The following RMDN2 variants were observed in gnomAD, a reference collection of about 807,000 sequenced individuals.
The protein encoded by RMDN2 is regulator of microtubule dynamics 2.
RMDN2 carries 61 observed loss-of-function variants against 52.8 expected under a neutral mutation model. The ratio of observed to expected loss-of-function variants is 1.16; its 90% CI spans 0.94 to 1.43. RMDN2 has a LOEUF of 1.43. Among genes scored for constraint, RMDN2 ranks in the 40% most tolerant of loss-of-function variants. RMDN2 has a pLI of 0.00. For synonymous variants in RMDN2, 180 were observed against 153.1 expected (o/e 1.18, Z -1.30); for missense variants, 592 against 475.3 (o/e 1.25, Z -2.28).
At chr2:38,046,480 T>C (rs1681277488) in intron 10 of RMDN2, among the ~76,000 whole-genome samples, 2 of 151,832 alleles carry the variant, frequency 1.3e-5, no homozygotes, top group African/African-American at 4.8e-5. Flanking sequence ...TGTCCAAAAT[T>C]TGATGAAAAA....
In RMDN2 at chr2:37,977,615, G is replaced by T. The variant is rs555379944; in HGVS notation, c.730+2301G>T. On this transcript the variant is annotated intron_variant, in intron 4 of 10. Transcript: ENST00000354545. ...TCCTCACTTCTCAGACCGGGCGGCC[G>T]CTCAGAGACCTCCTCACCTCCCAGA... 6.5e-4 allele frequency among the ~76,000 whole-genome samples: 99 copies of T among 151,362 alleles called. No homozygotes were observed. In the Middle Eastern group the frequency reaches 0.011, roughly 16 times the overall value.
intron 10 of RMDN2, among the ~76,000 whole-genome samples, chr2:38,050,197 C>G (rs1681502182): frequency 6.6e-6 from 1 of 152,056 alleles, no homozygotes; most frequent in Non-Finnish European, 1.5e-5. Flanking sequence ...GACCTCGCAC[C>G]ATGGCCCCAC....
chr2:37,963,520 T>G lies in RMDN2; in HGVS notation c.453-10520T>G, dbSNP rs541070225. Among the ~76,000 whole-genome samples the G allele has an allele frequency of 1.2e-3, 187 of 152,190 alleles. 2 individuals are homozygous for G. The highest frequency in any genetic ancestry group is 4.3e-3 in the African/African-American group (178 of 41,504). ...TGAGATTAGGGAGTGGTGATGACTCTTAATGAGCATGCTGCCTTCAAGCAT... is the reference window on the plus strand; with the variant it reads ...TGAGATTAGGGAGTGGTGATGACTCGTAATGAGCATGCTGCCTTCAAGCAT... On this transcript the variant is annotated intron_variant, in intron 2 of 10. Coordinates refer to ENST00000354545, the MANE Select transcript of RMDN2 (RefSeq NM_001170791.3).
At chr2:38,003,961 T>C in intron 8 of RMDN2, 30 bp from the exon 9 acceptor site, 1 of 1,536,770 alleles carries the variant, frequency 6.5e-7, no homozygotes. Flanking sequence ...TATTGCCCTG[T>C]TATTCTCTCA....
downstream of RMDN2, among the ~76,000 whole-genome samples, chr2:38,020,063 G>A (rs1679226573): frequency 6.6e-6 from 1 of 152,130 alleles, no homozygotes; most frequent in Non-Finnish European, 1.5e-5. Flanking sequence ...ATACAGCAGT[G>A]GTCCCCAACC....
intron 2 of RMDN2, among the ~76,000 whole-genome samples, chr2:37,949,284 C>T (rs1423854046): frequency 6.6e-6 from 1 of 152,164 alleles, no homozygotes; most frequent in Non-Finnish European, 1.5e-5. Context: ...GAATGAGTTA[C>T]TGTTTCCCTT....
At position 37,929,581 on chromosome 2, in the gene RMDN2, A is replaced by C; in HGVS notation, c.304A>C (p.Lys102Gln). ...EIRFLKEAIPKLEEYIQDELG... is the reference protein window; with the variant it reads ...EIRFLKEAIPQLEEYIQDELG... The stretch of plus-strand genomic sequence containing the variant: ...CAGATTTCTTAAAGAAGCTATTCCA[A>C]AGCTGGAGGAATATATACAAGATGA... Residue 102 changes from lysine to glutamine, a missense_variant, in exon 2 of 11, where the codon AAG becomes CAG. Lys to Gln is a moderately conservative substitution (Grantham distance 53). Transcript: ENST00000354545. 6.4e-7 allele frequency: 1 copy of C among 1,551,882 alleles called. No individual in the cohort carries two copies. The highest frequency in any genetic ancestry group is 8.7e-7 in the Non-Finnish European group (1 of 1,146,968).
chr2:38,067,066 A>T, exon 11 of RMDN2: 5 of 1,427,520 alleles, frequency 3.5e-6, no homozygotes, highest in Non-Finnish European at 5.0e-6. Context: ...CTGGAGAGTC[A>T]TGACCTAGGC....
At position 38,017,331 on chromosome 2, in the gene RMDN2, T is replaced by C; in HGVS notation, c.*92T>C. The C allele has an allele frequency of 6.9e-7, 1 of 1,443,766 alleles. No homozygotes were observed. The highest frequency in any genetic ancestry group is 1.4e-5 in the African/African-American group (1 of 70,146). 89.4% of individuals were successfully genotyped at this position (1,443,766 alleles called of 1,614,324 possible). A position where few individuals can be genotyped will look rare whatever the true frequency, so the allele number is the denominator to read the frequency against. On this transcript the variant is annotated 3_prime_UTR_variant, in exon 11 of 11. Coordinates refer to ENST00000354545, the MANE Select transcript of RMDN2 (RefSeq NM_001170791.3). ...CTTTTATTATCCTTCATTTTTGATG[T>C]AAGGGTATTGTGCTTAGATTTGAAG...
chr2:38,017,598 T>C lies in RMDN2; in HGVS notation c.*359T>C. On this transcript the variant is annotated 3_prime_UTR_variant, in exon 11 of 11. Transcript: ENST00000354545. ...TGGAGACTTCGTAAGACAAAATAAT[T>C]TCATTAATGTGGATGAAAAATGGAA... 1 of 1,228,548 alleles carries C rather than the reference T, an allele frequency of 8.1e-7. No homozygotes were observed. Among genetic ancestry groups the C allele is most frequent in the Non-Finnish European group, 1.1e-6 (1 of 934,008 alleles). The allele number at this position is 1,228,548 out of a possible 1,614,324, so 76.1% of individuals were successfully genotyped here. A position where few individuals can be genotyped will look rare whatever the true frequency, so the allele number is the denominator to read the frequency against.
At chr2:38,008,932 T>C (rs185470819) in intron 10 of RMDN2, among the ~76,000 whole-genome samples, 7 of 152,332 alleles carry the variant, frequency 4.6e-5, no homozygotes, top group Admixed American at 2.0e-4. Flanking sequence ...TTTGCTCGTC[T>C]GTAAGGGATT....
intron 2 of RMDN2, among the ~76,000 whole-genome samples, chr2:37,935,277 T>TA (rs1452960262): frequency 1.3e-5 from 2 of 152,230 alleles, no homozygotes; most frequent in African/African-American, 4.8e-5. Context: ...CACAGACAGA[T>TA]ACAGATTTTT....
intron 4 of RMDN2, 32 bp downstream of exon 4, chr2:37,975,346 G>A (rs1458005337): frequency 8.1e-7 from 1 of 1,241,302 alleles, no homozygotes; most frequent in Non-Finnish European, 1.2e-6. Flanking sequence ...TTCTCAAGTA[G>A]CAATTAAGAT....
chr2:38,046,312 A>T (rs574382688), intron 10 of RMDN2, among the ~76,000 whole-genome samples: 11 of 152,324 alleles, frequency 7.2e-5, no homozygotes, highest in Non-Finnish European at 1.5e-4. Flanking sequence ...CTAACCCATC[A>T]TCAGCTGACT....
chr2:37,997,468 A>C lies in RMDN2; in HGVS notation c.998A>C (p.Lys333Thr). Residue 333 changes from lysine (K) to threonine (T), a missense_variant, in exon 8 of 11, where the codon AAA (lysine) becomes ACA (threonine). Coordinates refer to ENST00000354545, the MANE Select transcript of RMDN2 (RefSeq NM_001170791.3). ...EKKMAATLFG[K>T]IPSSTVQEAL... The stretch of plus-strand genomic sequence containing the variant: ...AAAATGGCTGCTACTCTGTTTGGAA[A>C]AATACCATCTTCAACTGTACAAGAA... The C allele has an allele frequency of 6.2e-7, 1 of 1,613,932 alleles. No individual in the cohort carries two copies. Among genetic ancestry groups the C allele is most frequent in the South Asian group, 1.1e-5 (1 of 91,074 alleles).
chr2:37,922,490 T>C (rs1379028199), upstream of RMDN2, among the ~76,000 whole-genome samples: 1 of 152,158 alleles, frequency 6.6e-6, no homozygotes, highest in Non-Finnish European at 1.5e-5. Context: ...TTCCTCATGC[T>C]TTTCCCTCAA....
Position 37,991,288 on chromosome 2 carries a change from C to T in RMDN2, c.936C>T (p.Tyr312=), listed in dbSNP as rs981375345. ...EPFLYYLKGR[Y]CYTVSKLSWI... Reference sequence around the variant, plus strand: ...TTCTATATTACCTCAAAGGGAGATACTGCTATACTGTAAGTTGAATGCCTT... The same window carrying T: ...TTCTATATTACCTCAAAGGGAGATATTGCTATACTGTAAGTTGAATGCCTT... The change falls in exon 7 of 11, where the codon TAC becomes TAT. Residue 312 remains tyrosine (Y), a synonymous_variant. Coordinates refer to ENST00000354545, the MANE Select transcript of RMDN2 (RefSeq NM_001170791.3). 2 of 1,514,212 alleles carry T rather than the reference C, an allele frequency of 1.3e-6. No homozygotes were observed. The highest frequency in any genetic ancestry group is 1.4e-5 in the African/African-American group (1 of 71,888). 93.8% of individuals were successfully genotyped at this position (1,514,212 alleles called of 1,614,324 possible).
Position 37,925,338 on chromosome 2 carries a change from TCC to T in RMDN2, c.-103_-102del, listed in dbSNP as rs1666174678. On this transcript the variant is annotated 5_prime_UTR_variant, in exon 1 of 11. Coordinates refer to ENST00000354545, the MANE Select transcript of RMDN2 (RefSeq NM_001170791.3). Reference sequence around the variant, plus strand: ...GCGCGGGACCTTAGGACCCGCGGGCTCCAGGGCTACTGTCCGTCCGCCACTGC... The same window carrying T: ...GCGCGGGACCTTAGGACCCGCGGGCTAGGGCTACTGTCCGTCCGCCACTGC... The T allele has an allele frequency of 6.6e-6, 1 of 152,184 alleles. No individual in the cohort carries two copies. The highest frequency in any genetic ancestry group is 2.4e-5 in the African/African-American group (1 of 41,392). The allele number at this position is 152,184 out of a possible 1,614,324, so 9.4% of individuals were successfully genotyped here.
intron 2 of RMDN2, among the ~76,000 whole-genome samples, chr2:37,962,138 G>A (rs1670321057): frequency 6.6e-6 from 1 of 152,212 alleles, no homozygotes; most frequent in South Asian, 2.1e-4. Flanking sequence ...ACCTCTGCTG[G>A]GAGATGTCTC....
Sources: allele counts gnomAD v4.1 joint callset (sites outside exome capture counted in the v4.1 genomes callset), GRCh38; gene constraint gnomAD v4.1.1; transcripts MANE v1.5; gene names NCBI Gene and HGNC (gene_info 2026-07-23, HGNC 2026-07-21).